Variants in KAZN observed in about 807,000 individuals in gnomAD.
The protein encoded by KAZN is kazrin.
In KAZN, 40 loss-of-function variants were observed where a neutral mutation model predicts 87.4. The ratio of observed to expected loss-of-function variants is 0.46; its 90% CI spans 0.36 to 0.60. The LOEUF (loss-of-function observed/expected upper bound fraction) is 0.60. KAZN is among the 20% of genes least tolerant of loss of function. The probability of loss-of-function intolerance (pLI) is 0.00; values close to 1 mark genes in which losing one functional copy is unlikely to be tolerated. For synonymous variants in KAZN, 466 were observed against 458.3 expected (o/e 1.02, Z -0.22); for missense variants, 898 against 1,073.9 (o/e 0.84, Z 2.29).
At position 14,560,643 on chromosome 1, in the gene KAZN, A is replaced by G. The variant is rs560410173; in HGVS notation, c.250-38340A>G. Among the ~76,000 whole-genome samples the G allele has an allele frequency of 7.9e-5, 12 of 152,314 alleles. No homozygotes were observed. The East Asian group carries it at 1.7e-3, about 22-fold the overall frequency. ...GTGAGGATTTAGCAGGTTCAAGGAT[A>G]TACAGTGCTTTTGACAGTGCCTGGC... On this transcript the variant is annotated intron_variant, in intron 2 of 16. Transcript: ENST00000636203.
intron 1 of KAZN, among the ~76,000 whole-genome samples, chr1:14,059,108 T>C (rs184281845): frequency 2.8e-4 from 43 of 152,302 alleles, no homozygotes; most frequent in African/African-American, 9.1e-4. Flanking sequence ...TTTAACCTGG[T>C]GTTATTAGTC....
At chr1:14,481,565 A>G (rs1052009256) in intron 2 of KAZN, among the ~76,000 whole-genome samples, 1 of 152,220 alleles carries the variant, frequency 6.6e-6, no homozygotes, top group Non-Finnish European at 1.5e-5. Flanking sequence ...TGGCTCTCAG[A>G]TGGCAAGAAT....
intron 1 of KAZN, among the ~76,000 whole-genome samples, chr1:14,009,545 C>G (rs1263852356): frequency 1.3e-5 from 2 of 152,118 alleles, no homozygotes; most frequent in African/African-American, 4.8e-5. Context: ...TCCCAACAAC[C>G]CTTTGAGATA....
At chr1:14,842,098 T>C (rs1479399295) in intron 1 of KAZN, among the ~76,000 whole-genome samples, 3 of 152,176 alleles carry the variant, frequency 2.0e-5, no homozygotes, top group African/African-American at 7.2e-5. Flanking sequence ...TTCTCACTTA[T>C]GCTATCTTTT....
At chr1:14,987,508 AG>A (rs1263761335) in intron 2 of KAZN, among the ~76,000 whole-genome samples, 2 of 151,944 alleles carry the variant, frequency 1.3e-5, no homozygotes, top group East Asian at 3.9e-4. Context: ...AAAAAAAAAA[AG>A]TTCACTCTGG....
intron 2 of KAZN, among the ~76,000 whole-genome samples, chr1:14,403,662 T>C (rs1421865414): frequency 2.6e-5 from 4 of 152,072 alleles, no homozygotes; most frequent in Non-Finnish European, 5.9e-5. Flanking sequence ...CTAGAACCCA[T>C]GGGAGGAGAG....
intron 1 of KAZN, among the ~76,000 whole-genome samples, chr1:14,756,387 C>G (rs948737727): frequency 6.6e-6 from 1 of 152,162 alleles, no homozygotes; most frequent in Admixed American, 6.5e-5. Flanking sequence ...TGTCAGCCCC[C>G]CTGCAAAAAT....
intron 2 of KAZN, among the ~76,000 whole-genome samples, chr1:14,550,458 A>G (rs947426763): frequency 6.6e-6 from 1 of 152,082 alleles, no homozygotes; most frequent in Non-Finnish European, 1.5e-5. Context: ...AGGCTGGAAA[A>G]ATATTGGCAT....
chr1:14,810,658 A>G (rs558956012), intron 1 of KAZN, among the ~76,000 whole-genome samples: 1 of 152,304 alleles, frequency 6.6e-6, no homozygotes, highest in Non-Finnish European at 1.5e-5. Flanking sequence ...CTGCTAGCAA[A>G]TGATAGAGGC....
intron 2 of KAZN, among the ~76,000 whole-genome samples, chr1:15,031,553 GTGTGT>G (rs139569205): frequency 0.014 from 2,010 of 146,368 alleles, 27 homozygotes; most frequent in African/African-American, 0.037. Context: ...GCTACTCAGG[GTGTGT>G]TGTGTTGTGT....
chr1:14,185,872 C>T (rs1646293738), intron 2 of KAZN, among the ~76,000 whole-genome samples: 2 of 152,104 alleles, frequency 1.3e-5, no homozygotes, highest in African/African-American at 2.4e-5. Flanking sequence ...CCTCTGTCAT[C>T]GTTGTAAAAT....
upstream of KAZN, among the ~76,000 whole-genome samples, chr1:14,595,680 C>CAAAAAAAAA (rs34080804): frequency 7.2e-5 from 7 of 96,682 alleles, no homozygotes; most frequent in African/African-American, 3.2e-4. Flanking sequence ...GACTGCGTCT[C>CAAAAAAAAA]AAAAAAAAAA....
intron 1 of KAZN, among the ~76,000 whole-genome samples, chr1:14,838,386 T>C (rs2100917717): frequency 6.6e-6 from 1 of 152,334 alleles, no homozygotes; most frequent in South Asian, 2.1e-4. Flanking sequence ...CTCTTGGATT[T>C]ATGGCTAGGA....
chr1:14,072,944 T>A (rs2101563399), intron 1 of KAZN, among the ~76,000 whole-genome samples: 1 of 152,310 alleles, frequency 6.6e-6, no homozygotes, highest in Non-Finnish European at 1.5e-5. Flanking sequence ...TCGAGGCCAT[T>A]TACCTACTCT....
At chr1:14,401,860 GA>G (rs944283648) in intron 2 of KAZN, among the ~76,000 whole-genome samples, 4 of 151,482 alleles carry the variant, frequency 2.6e-5, no homozygotes, top group African/African-American at 7.3e-5. Flanking sequence ...CTAGAAATGG[GA>G]AAAAAAATTG....
rs142267355 is a variant in KAZN, at chr1:14,547,758, T to C, written c.250-51225T>C. 5.8e-3 allele frequency among the ~76,000 whole-genome samples: 880 copies of C among 152,024 alleles called. 10 individuals are homozygous for C. The highest frequency in any genetic ancestry group is 0.02 in the African/African-American group (838 of 41,462). Reference sequence around the variant, plus strand: ...CCACCACGCCCTGCTAATTTTTTGTTTTTTGTATTTTTAGTAGAGACAGGG... The same window carrying C: ...CCACCACGCCCTGCTAATTTTTTGTCTTTTGTATTTTTAGTAGAGACAGGG... On this transcript the variant is annotated intron_variant, in intron 2 of 16. Transcript: ENST00000636203.
chr1:14,759,699 A>G (rs1644680798), intron 1 of KAZN, among the ~76,000 whole-genome samples: 2 of 152,302 alleles, frequency 1.3e-5, no homozygotes, highest in African/African-American at 4.8e-5. Context: ...GAAAGAGCAG[A>G]GGATGCGATC....
chr1:14,007,107 T>C (rs1640070025), intron 1 of KAZN, among the ~76,000 whole-genome samples: 1 of 152,228 alleles, frequency 6.6e-6, no homozygotes, highest in Non-Finnish European at 1.5e-5. Context: ...TGAATGGTAT[T>C]GTTTTCTTGA....
intron 2 of KAZN, among the ~76,000 whole-genome samples, chr1:14,305,132 T>TG (rs1237630965): frequency 6.6e-6 from 1 of 152,128 alleles, no homozygotes; most frequent in Non-Finnish European, 1.5e-5. Flanking sequence ...TTTTGTAACC[T>TG]GGGTTGAATT....
Sources: gnomAD v4.1 joint callset for allele counts (sites outside exome capture counted in the v4.1 genomes callset) on GRCh38, gnomAD v4.1.1 for gene constraint, MANE v1.5 for transcripts, NCBI Gene and HGNC (gene_info 2026-07-23, HGNC 2026-07-21) for gene names.